The following CDH8 variants were observed in gnomAD, a reference collection of about 807,000 sequenced individuals.
CDH8 encodes the protein cadherin 8.
Under a neutral mutation model 68.1 loss-of-function variants are expected in CDH8, and 17 were observed. The ratio of observed to expected loss-of-function variants is 0.25; its 90% CI spans 0.17 to 0.37. The LOEUF (loss-of-function observed/expected upper bound fraction) is 0.37, where lower values mean the gene tolerates loss of function less well. Among genes scored for constraint, CDH8 ranks in the 10% least tolerant of loss-of-function variants. The pLI is 1.00. For missense variants in CDH8, 763 were observed against 999.3 expected, an observed-to-expected ratio of 0.76 and a Z score of 3.19; for synonymous variants, 372 against 365.1, an observed-to-expected ratio of 1.02 and a Z score of -0.21.
chr16:61,790,538 G>A (rs1003605070), intron 7 of CDH8, among the ~76,000 whole-genome samples: 8 of 152,098 alleles, frequency 5.3e-5, no homozygotes, highest in African/African-American at 9.6e-5. Flanking sequence ...GATGGCTTAG[G>A]AAGTGCACAT....
At chr16:61,722,253 C>T (rs1959226182) in intron 9 of CDH8, among the ~76,000 whole-genome samples, 1 of 150,698 alleles carries the variant, frequency 6.6e-6, no homozygotes, top group South Asian at 2.1e-4. Context: ...CCAGCTCTTT[C>T]TCATTTTTTC....
At position 61,873,716 on chromosome 16, in the gene CDH8, C is replaced by G. The variant is rs187420070; in HGVS notation, c.548-16478G>C. Among the ~76,000 whole-genome samples the G allele has an allele frequency of 3.8e-3, 585 of 152,226 alleles. 4 individuals are homozygous for G. The highest frequency in any genetic ancestry group is 0.013 in the African/African-American group (554 of 41,548). Reference sequence around the variant, plus strand: ...TTCAATGCTGGGCTGAGGGAATGAACAGCAGCTCCCAGCCAGTCATGCCAT... The same window carrying G: ...TTCAATGCTGGGCTGAGGGAATGAAGAGCAGCTCCCAGCCAGTCATGCCAT... On this transcript the variant is annotated intron_variant, in intron 3 of 11. Transcript: ENST00000577390.
chr16:61,670,562 T>C (rs1005700576), intron 10 of CDH8, among the ~76,000 whole-genome samples: 1 of 152,014 alleles, frequency 6.6e-6, no homozygotes, highest in Non-Finnish European at 1.5e-5. Context: ...ATTAAGTCCC[T>C]ACAAATATAT....
chr16:62,035,470 G>A (rs1286203189), intron 1 of CDH8, among the ~76,000 whole-genome samples: 1 of 152,126 alleles, frequency 6.6e-6, no homozygotes, highest in Non-Finnish European at 1.5e-5. Context: ...TTTGTAGCGG[G>A]CACCGCACCT....
At chr16:61,762,077 G>T (rs1960484956) in intron 8 of CDH8, among the ~76,000 whole-genome samples, 1 of 152,252 alleles carries the variant, frequency 6.6e-6, no homozygotes, top group African/African-American at 2.4e-5. Context: ...CTAAAGACGG[G>T]AGGTGAGGCT....
At chr16:61,939,040 A>G (rs1964670851) in intron 2 of CDH8, among the ~76,000 whole-genome samples, 4 of 152,222 alleles carry the variant, frequency 2.6e-5, no homozygotes, top group Admixed American at 1.3e-4. Flanking sequence ...GAAATCAACA[A>G]GGGCTCATTC....
chr16:61,921,231 G>C (rs1597067335), intron 2 of CDH8, among the ~76,000 whole-genome samples: 1 of 149,798 alleles, frequency 6.7e-6, no homozygotes, highest in Non-Finnish European at 1.5e-5. Flanking sequence ...ATGTGCACAT[G>C]TACCTTAAAA....
intron 2 of CDH8, among the ~76,000 whole-genome samples, chr16:61,999,399 T>A (rs537397759): frequency 7.4e-4 from 113 of 152,026 alleles, no homozygotes; most frequent in Admixed American, 2.0e-3. Flanking sequence ...AAACTCAGAG[T>A]AAAAGGATCA....
intron 3 of CDH8, among the ~76,000 whole-genome samples, chr16:61,870,188 C>T (rs1032478419): frequency 2.6e-5 from 4 of 152,132 alleles, no homozygotes; most frequent in African/African-American, 9.7e-5. Context: ...CACAAATTTC[C>T]AATTTACCAA....
intron 10 of CDH8, among the ~76,000 whole-genome samples, chr16:61,658,685 T>C (rs1443166354): frequency 6.6e-6 from 1 of 152,126 alleles, no homozygotes; most frequent in Non-Finnish European, 1.5e-5. Context: ...TCTCATACCG[T>C]GTTCTTTAAG....
chr16:61,727,334 C>T, intron 8 of CDH8, 119 bp from the exon 9 acceptor site: 4 of 1,023,778 alleles, frequency 3.9e-6, no homozygotes, highest in South Asian at 3.4e-5. Context: ...ATGTTTTCAA[C>T]ATGGTGATTA....
intron 2 of CDH8, among the ~76,000 whole-genome samples, chr16:61,932,251 TC>T (rs1333725517): frequency 2.7e-5 from 4 of 150,544 alleles, no homozygotes; most frequent in Non-Finnish European, 5.9e-5. Context: ...ACAGAATATT[TC>T]CATGACCATA....
At chr16:61,810,374 G>C (rs545294816) in intron 7 of CDH8, among the ~76,000 whole-genome samples, 2 of 152,180 alleles carry the variant, frequency 1.3e-5, no homozygotes, top group South Asian at 2.1e-4. Context: ...AGTTCTGCTA[G>C]TTCCAGAATT....
At chr16:62,018,808 G>A (rs1353788457) in intron 2 of CDH8, among the ~76,000 whole-genome samples, 1 of 152,108 alleles carries the variant, frequency 6.6e-6, no homozygotes, top group Non-Finnish European at 1.5e-5. Flanking sequence ...AAATCCTAAG[G>A]TTCACTGGCA....
intron 4 of CDH8, among the ~76,000 whole-genome samples, chr16:61,830,095 TC>T (rs1196489188): frequency 6.6e-6 from 1 of 151,866 alleles, no homozygotes; most frequent in Non-Finnish European, 1.5e-5. Flanking sequence ...CTACTTCTTT[TC>T]TCCTGTTTTG....
At chr16:62,008,577 T>G (rs892331380) in intron 2 of CDH8, among the ~76,000 whole-genome samples, 1 of 152,128 alleles carries the variant, frequency 6.6e-6, no homozygotes, top group Admixed American at 6.6e-5. Context: ...TACAGCTCAC[T>G]GCAGCCTCCA....
chr16:61,969,900 G>T (rs1474853988), intron 2 of CDH8, among the ~76,000 whole-genome samples: 1 of 152,194 alleles, frequency 6.6e-6, no homozygotes, highest in Admixed American at 6.5e-5. Flanking sequence ...CCTTGGGGTT[G>T]CTATGTGAAT....
chr16:61,971,837 A>G (rs1168067154), intron 2 of CDH8, among the ~76,000 whole-genome samples: 1 of 152,248 alleles, frequency 6.6e-6, no homozygotes, highest in East Asian at 1.9e-4. Context: ...GTTTAACTGT[A>G]TGCCAGGAAA....
At chr16:61,833,105 T>G (rs561281399) in intron 4 of CDH8, among the ~76,000 whole-genome samples, 5 of 151,636 alleles carry the variant, frequency 3.3e-5, no homozygotes, top group Non-Finnish European at 7.4e-5. Context: ...ATACAAAACG[T>G]TATTAATTGC....
Sources: allele counts gnomAD v4.1 joint callset (sites outside exome capture counted in the v4.1 genomes callset), GRCh38; gene constraint gnomAD v4.1.1; transcripts MANE v1.5; gene names NCBI Gene and HGNC (gene_info 2026-07-23, HGNC 2026-07-21).